MACF1: variants seen among roughly 807,000 people sequenced by gnomAD.
MACF1 encodes the protein microtubule actin crosslinking factor 1.
A neutral mutation model predicts 854.8 loss-of-function variants in MACF1; 193 were observed. That is an observed-to-expected ratio of 0.23 (90% confidence interval 0.20 to 0.25). The LOEUF (loss-of-function observed/expected upper bound fraction) is 0.25. Among genes scored for constraint, MACF1 ranks in the 10% least tolerant of loss-of-function variants. The pLI, the probability that MACF1 is intolerant of heterozygous loss-of-function variation, is 1.00. For synonymous variants in MACF1, 3,185 were observed against 3,226.7 expected (o/e 0.99, Z 0.44); for missense variants, 7,722 against 8,929.1 (o/e 0.86, Z 5.45).
At chr1:39,376,393 T>G (rs1335472108) in intron 52 of MACF1, among the ~76,000 whole-genome samples, 1 of 152,244 alleles carries the variant, frequency 6.6e-6, no homozygotes, top group Admixed American at 6.5e-5. Flanking sequence ...TTTCAGTTCC[T>G]TACATTTATC....
Position 39,479,779 on chromosome 1 carries a change from G to C in MACF1, c.21959-19G>C, listed in dbSNP as rs1408597959. 3 of 1,603,318 alleles carry C rather than the reference G, an allele frequency of 1.9e-6. No individual in the cohort carries two copies. Among genetic ancestry groups the C allele is most frequent in the Non-Finnish European group, 2.6e-6 (3 of 1,170,328 alleles). ...TTTTAGAAGAACTGACATTGTGTGT[G>C]TGTTTATTTCCTTTTTAGCACGAGG... On this transcript the variant is annotated intron_variant, in intron 97 of 100. Transcript: ENST00000564288.
chr1:39,408,721 G>T (rs1027177652), intron 58 of MACF1, among the ~76,000 whole-genome samples: 6 of 152,090 alleles, frequency 3.9e-5, no homozygotes, highest in Non-Finnish European at 5.9e-5. Flanking sequence ...CCAGACTCGC[G>T]CGGGTTCCGT....
chr1:39,159,767 A>G (rs1643758791), intron 2 of MACF1, among the ~76,000 whole-genome samples: 1 of 152,094 alleles, frequency 6.6e-6, no homozygotes, highest in South Asian at 2.1e-4. Context: ...GAGGGTGCTT[A>G]AACCATTTTT....
intron 2 of MACF1, among the ~76,000 whole-genome samples, chr1:39,122,533 G>A (rs528850758): frequency 2.0e-5 from 3 of 152,246 alleles, no homozygotes; most frequent in African/African-American, 2.4e-5. Flanking sequence ...GATTACAGGC[G>A]TGAGCCACTG....
rs1646786446 is a variant in MACF1, at chr1:39,334,965, A to G, written c.8377A>G (p.Met2793Val). The change falls in exon 37 of 101, where the codon ATG (methionine) becomes GTG (valine). Residue 2793 changes from methionine (M) to valine (V), a missense_variant. Met to Val is a conservative substitution (Grantham distance 21). Transcript: ENST00000564288. ...ALQNEFLGKD[M>V]LIACNQTAEM... is the part of the protein sequence containing the mutation. ...ACAAAATGAATTTCTAGGAAAGGAT[A>G]TGTTAATTGCTTGTAATCAGACTGC... 6.2e-7 allele frequency: 1 copy of G among 1,614,178 alleles called. No individual in the cohort carries two copies. Among genetic ancestry groups the G allele is most frequent in the Non-Finnish European group, 8.5e-7 (1 of 1,180,000 alleles).
intron 54 of MACF1, among the ~76,000 whole-genome samples, chr1:39,379,830 A>C (rs781751352): frequency 2.0e-5 from 3 of 152,218 alleles, no homozygotes; most frequent in Non-Finnish European, 4.4e-5. Context: ...TTCATTCTTA[A>C]GATTGACATG....
chr1:39,279,801 A>T (rs776226211), intron 6 of MACF1, among the ~76,000 whole-genome samples: 5 of 152,308 alleles, frequency 3.3e-5, no homozygotes, highest in Non-Finnish European at 7.4e-5. Context: ...TTTCTAGTAA[A>T]TGCCTTCTTT....
intron 2 of MACF1, among the ~76,000 whole-genome samples, chr1:39,139,297 G>GTT (rs777759471): frequency 5.2e-5 from 7 of 134,992 alleles, no homozygotes; most frequent in Non-Finnish European, 6.5e-5. Flanking sequence ...ATCTGCCACT[G>GTT]TTTTTTTTTT....
intron 2 of MACF1, among the ~76,000 whole-genome samples, chr1:39,235,524 G>A (rs1644850661): frequency 6.6e-6 from 1 of 152,178 alleles, no homozygotes; most frequent in Non-Finnish European, 1.5e-5. Context: ...ATTCAGTACT[G>A]CCTATAATCT....
intron 1 of MACF1, among the ~76,000 whole-genome samples, chr1:39,226,240 T>C (rs573556473): frequency 6.6e-6 from 1 of 152,340 alleles, no homozygotes; most frequent in East Asian, 1.9e-4. Context: ...AAGTCAGCTT[T>C]TTAGCTTTTG....
intron 6 of MACF1, among the ~76,000 whole-genome samples, chr1:39,270,914 C>G (rs1645305320): frequency 6.6e-6 from 1 of 152,128 alleles, no homozygotes; most frequent in South Asian, 2.1e-4. Flanking sequence ...CACAGACAGC[C>G]CCATCTTAGT....
At chr1:39,090,961 C>T (rs894811170) in intron 2 of MACF1, among the ~76,000 whole-genome samples, 1 of 147,148 alleles carries the variant, frequency 6.8e-6, no homozygotes, top group African/African-American at 2.5e-5. Flanking sequence ...CTGCTTGTTG[C>T]CACATGTCAG....
intron 58 of MACF1, chr1:39,410,172 G>A (rs926108657): frequency 2.1e-6 from 2 of 966,490 alleles, no homozygotes; most frequent in Non-Finnish European, 3.0e-6. Context: ...GGTATGAACA[G>A]CTAAAAGGAT....
chr1:39,188,885 C>T (rs1051968742), intron 2 of MACF1, among the ~76,000 whole-genome samples: 12 of 144,516 alleles, frequency 8.3e-5, no homozygotes, highest in Admixed American at 3.4e-4. Context: ...ATTACAGGTG[C>T]GTGCCACCAC....
chr1:39,430,836 G>A lies in MACF1; in HGVS notation c.17265G>A (p.Gln5755=). 1 of 1,612,748 alleles carries A rather than the reference G, an allele frequency of 6.2e-7. No individual in the cohort carries two copies. Among genetic ancestry groups the A allele is most frequent in the Non-Finnish European group, 8.5e-7 (1 of 1,180,014 alleles). Residue 5755 remains glutamine (Q), a synonymous_variant, in exon 66 of 101, where the codon CAG becomes CAA. Transcript: ENST00000564288. ...LDKLVSDANE[Q]YKLVSDTIGQ... ...AACTTGTGTCCGATGCTAACGAGCA[G>A]TACAAACTAGTCAGTGACACTATTG...
At chr1:39,438,701 C>G (rs762834153) in intron 71 of MACF1, among the ~76,000 whole-genome samples, 4 of 152,022 alleles carry the variant, frequency 2.6e-5, no homozygotes, top group Non-Finnish European at 4.4e-5. Flanking sequence ...TCGCTTGAAC[C>G]TGGGAGGCAG....
intron 56 of MACF1, among the ~76,000 whole-genome samples, chr1:39,383,968 C>T (rs1483739448): frequency 6.6e-6 from 1 of 152,002 alleles, no homozygotes; most frequent in African/African-American, 2.4e-5. Context: ...GTTACAATAT[C>T]GAATGCCATG....
intron 2 of MACF1, among the ~76,000 whole-genome samples, chr1:39,093,761 G>A (rs1371302775): frequency 6.6e-6 from 1 of 151,730 alleles, no homozygotes; most frequent in Admixed American, 6.6e-5. Context: ...TGGGATTACA[G>A]GTGTGAGCCA....
At chr1:39,234,214 C>T (rs1317606545) in intron 2 of MACF1, among the ~76,000 whole-genome samples, 1 of 152,060 alleles carries the variant, frequency 6.6e-6, no homozygotes, top group African/African-American at 2.4e-5. Flanking sequence ...CGGCAACCAT[C>T]CGATTTCTCA....
Sources: allele counts gnomAD v4.1 joint callset (sites outside exome capture counted in the v4.1 genomes callset), GRCh38; gene constraint gnomAD v4.1.1; transcripts MANE v1.5; gene names NCBI Gene and HGNC (gene_info 2026-07-23, HGNC 2026-07-21).